The following MYCBP2 variants were observed in gnomAD, a reference collection of about 807,000 sequenced individuals.
The protein encoded by MYCBP2 is E3 ubiquitin-protein ligase MYCBP2.
In MYCBP2, 120 loss-of-function variants were observed where a neutral mutation model predicts 525.3. The observed-to-expected ratio is 0.23, with a 90% CI of 0.20 to 0.27. MYCBP2 has a LOEUF of 0.27. MYCBP2 is among the 10% of genes least tolerant of loss of function. MYCBP2 has a pLI of 1.00. For synonymous variants in MYCBP2, 1,894 were observed against 1,955.8 expected, an observed-to-expected ratio of 0.97 and a Z score of 0.83; for missense variants, 4,149 against 5,657.1, an observed-to-expected ratio of 0.73 and a Z score of 8.55.
intron 55 of MYCBP2, chr13:77,118,487 G>C: frequency 2.6e-6 from 2 of 764,988 alleles, no homozygotes; most frequent in Non-Finnish European, 4.8e-6. Context: ...ATGGCACTCA[G>C]TTGGTCACCT....
intron 40 of MYCBP2, 54 bp downstream of exon 40, chr13:77,168,374 A>G: frequency 6.8e-7 from 1 of 1,467,548 alleles, no homozygotes; most frequent in Non-Finnish European, 9.5e-7. Flanking sequence ...AGATATCATC[A>G]GAGAACCTCA....
At chr13:77,250,083 C>T (rs1050208134) in intron 15 of MYCBP2, among the ~76,000 whole-genome samples, 3 of 151,826 alleles carry the variant, frequency 2.0e-5, no homozygotes, top group Non-Finnish European at 4.4e-5. Flanking sequence ...ATTAGCCGGG[C>T]GTAGTGGCGG....
rs558634220 is a variant in MYCBP2, at chr13:77,282,412, A to G, written c.595-3501T>C. 5.2e-4 allele frequency among the ~76,000 whole-genome samples: 69 copies of G among 132,550 alleles called. 1 individual carries two copies. Among genetic ancestry groups the G allele is most frequent in the African/African-American group, 1.6e-3 (61 of 37,722 alleles). The allele number at this position is 132,550 out of a possible 152,430, so 87.0% of individuals were successfully genotyped here. ...GCAAGCAGAGTGAAACTCCATCTTG[A>G]AAAAAAAAAAAAAAAGAAAGAAAGT... is the stretch of plus-strand genomic sequence containing the variant. On this transcript the variant is annotated intron_variant, in intron 3 of 82. Transcript: ENST00000544440.
intron 27 of MYCBP2, among the ~76,000 whole-genome samples, chr13:77,193,605 A>G (rs1391067382): frequency 6.6e-6 from 1 of 152,200 alleles, no homozygotes; most frequent in Non-Finnish European, 1.5e-5. Flanking sequence ...GAGGACTGAT[A>G]AAGTGTAAGT....
intron 17 of MYCBP2, among the ~76,000 whole-genome samples, chr13:77,235,901 A>AG (rs761319352): frequency 2.6e-5 from 4 of 152,034 alleles, no homozygotes; most frequent in Non-Finnish European, 4.4e-5. Context: ...GTTCAGAGGT[A>AG]GGGGAAAAAA....
At chr13:77,198,015 A>G (rs990960088) in intron 26 of MYCBP2, among the ~76,000 whole-genome samples, 3 of 152,212 alleles carry the variant, frequency 2.0e-5, no homozygotes, top group African/African-American at 7.2e-5. Context: ...ACTATTCCGA[A>G]AAGAAAAAAT....
chr13:77,124,134 A>G (rs1335625865), intron 54 of MYCBP2, among the ~76,000 whole-genome samples: 1 of 152,204 alleles, frequency 6.6e-6, no homozygotes, highest in Non-Finnish European at 1.5e-5. Flanking sequence ...TACAGCATTT[A>G]AAACACGAAT....
chr13:77,144,539 G>A lies in MYCBP2; in HGVS notation c.7209C>T (p.Ile2403=). ...TPKRPSENML[I]RVNNDGTYCA... is the part of the protein sequence containing the mutation. ...AATAAGTCCCATCATTATTGACACG[G>A]ATCAGCATATTCTCACTGGGTCTGA... The change falls in exon 49 of 83, where the codon ATC becomes ATT. Residue 2403 remains isoleucine (I), a synonymous_variant. Coordinates refer to ENST00000544440, the MANE Select transcript of MYCBP2 (RefSeq NM_015057.5). The A allele has an allele frequency of 1.2e-6, 2 of 1,613,194 alleles. No individual in the cohort carries two copies. Among genetic ancestry groups the A allele is most frequent in the South Asian group, 2.2e-5 (2 of 91,058 alleles).
intron 62 of MYCBP2, among the ~76,000 whole-genome samples, chr13:77,085,648 C>T (rs1330026808): frequency 6.6e-6 from 1 of 152,194 alleles, no homozygotes; most frequent in Non-Finnish European, 1.5e-5. Context: ...AGAAGCATGG[C>T]ATATGAGTTT....
intron 35 of MYCBP2, 46 bp downstream of exon 35, chr13:77,177,702 T>C (rs965795128): frequency 2.7e-6 from 4 of 1,469,326 alleles, no homozygotes; most frequent in Non-Finnish European, 2.9e-6. Context: ...TAAATCCTGA[T>C]ACACAACCCA....
Position 77,166,495 on chromosome 13 carries a change from A to G in MYCBP2, c.6174T>C (p.Thr2058=). Residue 2058 remains threonine, a synonymous_variant, in exon 41 of 83, where the codon ACT becomes ACC. Transcript: ENST00000544440. ...MTIEFDPQCG[T]AQSEDVLRLL... ...AACGAAGGACATCTTCTGACTGTGC[A>G]GTACCACACTGAGGGTCAAATTCGA... The G allele has an allele frequency of 3.1e-6, 5 of 1,613,974 alleles. No individual in the cohort carries two copies. Among genetic ancestry groups the G allele is most frequent in the Non-Finnish European group, 4.2e-6 (5 of 1,179,888 alleles).
At chr13:77,296,501 C>A in intron 2 of MYCBP2, 98 bp downstream of exon 2, 1 of 1,312,284 alleles carries the variant, frequency 7.6e-7, no homozygotes, top group Non-Finnish European at 1.0e-6. Context: ...TCAGCACATA[C>A]TAATAAAATG....
At chr13:77,311,982 A>G (rs1410471101) in intron 1 of MYCBP2, among the ~76,000 whole-genome samples, 1 of 152,114 alleles carries the variant, frequency 6.6e-6, no homozygotes, top group Non-Finnish European at 1.5e-5. Context: ...CAAAGAAAAA[A>G]TTTTTGAAAG....
In MYCBP2 at chr13:77,150,928, C is replaced by T. The variant is rs1411348897; in HGVS notation, c.6937G>A (p.Val2313Ile). 6.2e-7 allele frequency: 1 copy of T among 1,613,850 alleles called. No individual in the cohort carries two copies. Among genetic ancestry groups the T allele is most frequent in the African/African-American group, 1.3e-5 (1 of 74,910 alleles). The change falls in exon 47 of 83, where the codon GTT (valine) becomes ATT (isoleucine). Residue 2313 changes from valine to isoleucine, a missense_variant. Coordinates refer to ENST00000544440, the MANE Select transcript of MYCBP2 (RefSeq NM_015057.5). Reference protein sequence around the residue: ...NMKVEVKAVPVSQKKMSLQQD... With the variant: ...NMKVEVKAVPISQKKMSLQQD... ...TGTAAAGACATTTTTTTCTGAGAAA[C>T]AGGGACAGCTTTCACTTCCACCTAA...
chr13:77,275,086 C>T (rs1031893054), intron 4 of MYCBP2, among the ~76,000 whole-genome samples: 3 of 152,146 alleles, frequency 2.0e-5, no homozygotes. Flanking sequence ...CGAACTCTCA[C>T]ACACTGGCAA....
At chr13:77,070,503 G>A in intron 69 of MYCBP2, 128 bp downstream of exon 69, 1 of 554,568 alleles carries the variant, frequency 1.8e-6, no homozygotes, top group Non-Finnish European at 3.1e-6. Context: ...TTCAAATATG[G>A]CCCAGGGAAG....
intron 2 of MYCBP2, among the ~76,000 whole-genome samples, chr13:77,292,381 C>T (rs991357561): frequency 6.6e-6 from 1 of 152,060 alleles, no homozygotes; most frequent in Non-Finnish European, 1.5e-5. Flanking sequence ...ACATTCCACT[C>T]CTCAGTATGC....
intron 69 of MYCBP2, among the ~76,000 whole-genome samples, chr13:77,069,352 G>A (rs1446181796): frequency 5.9e-5 from 9 of 152,230 alleles, no homozygotes; most frequent in Non-Finnish European, 7.3e-5. Flanking sequence ...GCTGGGTGCC[G>A]TGGCTCACGC....
rs1450128273 is a variant in MYCBP2, at chr13:77,294,129, T to TATATATATAC, written c.378+2469_378+2470insGTATATATAT. ...CTATATATATATATATATATATATA[T>TATATATATAC]ACATATATATATACATATATATAAA... On this transcript the variant is annotated intron_variant, in intron 2 of 82. Transcript: ENST00000544440. 5.4e-3 allele frequency among the ~76,000 whole-genome samples: 140 copies of TATATATATAC among 26,130 alleles called. 8 individuals are homozygous for TATATATATAC. The highest frequency in any genetic ancestry group is 8.1e-3 in the Non-Finnish European group (72 of 8,930). The allele number at this position is 26,130 out of a possible 152,430, so 17.1% of individuals were successfully genotyped here.
Sources: gnomAD v4.1 joint callset for allele counts (sites outside exome capture counted in the v4.1 genomes callset) on GRCh38, gnomAD v4.1.1 for gene constraint, MANE v1.5 for transcripts, NCBI Gene and HGNC (gene_info 2026-07-23, HGNC 2026-07-21) for gene names.